The following MTX2 variants were observed in gnomAD, a reference collection of about 807,000 sequenced individuals.
MTX2 encodes the protein metaxin-2.
Under a neutral mutation model 42.3 loss-of-function variants are expected in MTX2, and 35 were observed. The ratio of observed to expected loss-of-function variants is 0.83; its 90% CI spans 0.63 to 1.10. The LOEUF (loss-of-function observed/expected upper bound fraction) is 1.10. Among genes scored for constraint, MTX2 ranks in the 50% least tolerant of loss-of-function variants. MTX2 has a pLI of 0.00. For synonymous variants in MTX2, 119 were observed against 100.9 expected (o/e 1.18, Z -1.08); for missense variants, 307 against 304.1 (o/e 1.01, Z -0.07).
At chr2:176,273,144 T>G (rs1001524144) in intron 1 of MTX2, among the ~76,000 whole-genome samples, 4 of 152,190 alleles carry the variant, frequency 2.6e-5, no homozygotes, top group Admixed American at 2.0e-4. Context: ...AACAACCTAC[T>G]CTTGGGATAA....
intron 9 of MTX2, among the ~76,000 whole-genome samples, chr2:176,331,805 T>G (rs1481060118): frequency 6.6e-6 from 1 of 151,266 alleles, no homozygotes; most frequent in African/African-American, 2.4e-5. Flanking sequence ...ATTTCTTTTC[T>G]TTCTAACAGA....
At chr2:176,288,786 G>T (rs1693264279) in intron 1 of MTX2, among the ~76,000 whole-genome samples, 1 of 151,848 alleles carries the variant, frequency 6.6e-6, no homozygotes, top group South Asian at 2.1e-4. Flanking sequence ...TGTGGCAGAG[G>T]AGTCATGTTG....
rs186848737 is a variant in MTX2 at position 176,320,427 on chromosome 2, C to A, written c.136-2965C>A. On this transcript the variant is annotated intron_variant, in intron 3 of 9. Transcript: ENST00000249442. Reference sequence around the variant, plus strand: ...TATTAACAGTTGAATATTATTCAGGCCTTTGAGAAGATATATTAAACAGTT... The same window carrying A: ...TATTAACAGTTGAATATTATTCAGGACTTTGAGAAGATATATTAAACAGTT... Among the ~76,000 whole-genome samples, 829 of 152,116 alleles carry A rather than the reference C, an allele frequency of 5.4e-3. 1 individual carries two copies. The highest frequency in any genetic ancestry group is 9.0e-3 in the Non-Finnish European group (614 of 67,994).
chr2:176,314,367 G>A (rs1033838365), intron 3 of MTX2, among the ~76,000 whole-genome samples: 1 of 151,770 alleles, frequency 6.6e-6, no homozygotes, highest in Non-Finnish European at 1.5e-5. Flanking sequence ...AGCCTGGGAG[G>A]CAGAGATTAT....
intron 4 of MTX2, among the ~76,000 whole-genome samples, chr2:176,325,790 A>T (rs957881337): frequency 6.6e-6 from 1 of 151,788 alleles, no homozygotes; most frequent in African/African-American, 2.4e-5. Flanking sequence ...AAGATTTATA[A>T]AGCAGTAGAA....
intron 3 of MTX2, among the ~76,000 whole-genome samples, chr2:176,300,987 A>G (rs1015097756): frequency 1.3e-5 from 2 of 152,168 alleles, no homozygotes; most frequent in African/African-American, 2.4e-5. Context: ...CAGCCTTCAT[A>G]GTACCTGAAA....
At chr2:176,325,411 G>A (rs1266580683) in intron 4 of MTX2, among the ~76,000 whole-genome samples, 2 of 151,394 alleles carry the variant, frequency 1.3e-5, no homozygotes, top group Non-Finnish European at 3.0e-5. Context: ...CTTCTAATTT[G>A]TTGTGTTTGT....
chr2:176,289,584 ATTTC>A (rs1456089473), intron 1 of MTX2, among the ~76,000 whole-genome samples: 1 of 152,052 alleles, frequency 6.6e-6, no homozygotes, highest in African/African-American at 2.4e-5. Context: ...ATAGGGATAT[ATTTC>A]TTCTTTATAA....
intron 3 of MTX2, among the ~76,000 whole-genome samples, chr2:176,318,494 A>C (rs1358403209): frequency 2.0e-5 from 3 of 152,346 alleles, no homozygotes; most frequent in African/African-American, 7.2e-5. Context: ...GAATGGGTGC[A>C]GTTTTAATTC....
intron 1 of MTX2, among the ~76,000 whole-genome samples, chr2:176,276,036 T>C (rs1043443838): frequency 1.3e-5 from 2 of 152,280 alleles, no homozygotes; most frequent in African/African-American, 2.4e-5. Context: ...TAACTGCCTT[T>C]TTAAGCCTGA....
intron 3 of MTX2, among the ~76,000 whole-genome samples, chr2:176,315,001 G>T (rs1206303418): frequency 6.6e-6 from 1 of 152,180 alleles, no homozygotes; most frequent in Admixed American, 6.6e-5. Flanking sequence ...CTAACAGATA[G>T]TATGATGTAC....
rs546963391 is a variant in MTX2 at position 176,292,275 on chromosome 2, C to T, written c.41-4585C>T. ...TAGGTGAGTCATGACATTTTATTTA[C>T]TATTGAAGTAGTTTGTGGTCTAAAA... On this transcript the variant is annotated intron_variant, in intron 1 of 9. Coordinates refer to ENST00000249442, the MANE Select transcript of MTX2 (RefSeq NM_006554.5). Among the ~76,000 whole-genome samples the T allele has an allele frequency of 1.4e-4, 21 of 152,244 alleles. No individual in the cohort carries two copies. The South Asian group carries it at 4.3e-3, about 32-fold the overall frequency.
chr2:176,278,479 G>A (rs1693001865), intron 1 of MTX2, among the ~76,000 whole-genome samples: 3 of 152,104 alleles, frequency 2.0e-5, no homozygotes, highest in Admixed American at 6.6e-5. Flanking sequence ...TTTACTTAAT[G>A]TGGTTTATTA....
chr2:176,323,562 T>G, intron 4 of MTX2, 98 bp downstream of exon 4: 3 of 1,147,724 alleles, frequency 2.6e-6, no homozygotes, highest in Non-Finnish European at 3.8e-6. Flanking sequence ...CCTGATTTTT[T>G]TTGTTTACCC....
chr2:176,333,257 A>G (rs1231435580), intron 9 of MTX2, among the ~76,000 whole-genome samples: 1 of 151,642 alleles, frequency 6.6e-6, no homozygotes, highest in East Asian at 1.9e-4. Flanking sequence ...TTTGGTAAGC[A>G]GAAGGGTAGA....
rs139171107 is a variant in MTX2 at position 176,294,521 on chromosome 2, C to T, written c.41-2339C>T. Reference sequence around the variant, plus strand: ...TGAACTCCTGAGCTTTTGATCCACCCGCCTCGGCCTCCCAAAGTTTTGGGA... The same window carrying T: ...TGAACTCCTGAGCTTTTGATCCACCTGCCTCGGCCTCCCAAAGTTTTGGGA... On this transcript the variant is annotated intron_variant, in intron 1 of 9. Transcript: ENST00000249442. Among the ~76,000 whole-genome samples, 574 of 152,210 alleles carry T rather than the reference C, an allele frequency of 3.8e-3. 6 individuals carry two copies. Among genetic ancestry groups the T allele is most frequent in the East Asian group, 0.036 (186 of 5,172 alleles).
At chr2:176,269,791 G>A (rs1003600978) in intron 1 of MTX2, 122 bp downstream of exon 1, 1 of 1,225,052 alleles carries the variant, frequency 8.2e-7, no homozygotes, top group Admixed American at 2.9e-5. Context: ...CCCGGATGGT[G>A]GAGGCGGGCA....
At chr2:176,302,313 A>T (rs1684044654) in intron 3 of MTX2, among the ~76,000 whole-genome samples, 1 of 152,160 alleles carries the variant, frequency 6.6e-6, no homozygotes, top group Admixed American at 6.6e-5. Context: ...GTTCCATTTA[A>T]TATTTTTACT....
At chr2:176,276,722 C>G (rs980448128) in intron 1 of MTX2, among the ~76,000 whole-genome samples, 1 of 152,066 alleles carries the variant, frequency 6.6e-6, no homozygotes, top group Non-Finnish European at 1.5e-5. Context: ...TAACTCTTAA[C>G]ATGTAGTATC....
Sources: allele counts gnomAD v4.1 joint callset (sites outside exome capture counted in the v4.1 genomes callset), GRCh38; gene constraint gnomAD v4.1.1; transcripts MANE v1.5; gene names NCBI Gene and HGNC (gene_info 2026-07-23, HGNC 2026-07-21).